The following PLPPR1 variants were observed in gnomAD, a reference collection of about 807,000 sequenced individuals.
PLPPR1 encodes the protein phospholipid phosphatase related 1.
A neutral mutation model predicts 33.1 loss-of-function variants in PLPPR1; 10 were observed. The observed-to-expected ratio is 0.30, with a 90% CI of 0.19 to 0.51. The LOEUF (loss-of-function observed/expected upper bound fraction) is 0.51. PLPPR1 is among the 20% of genes least tolerant of loss of function. The probability of loss-of-function intolerance (pLI) is 0.97; values close to 1 mark genes in which losing one functional copy is unlikely to be tolerated. For synonymous variants in PLPPR1, 151 were observed against 151.0 expected, an observed-to-expected ratio of 1.00 and a Z score of 0.00; for missense variants, 304 against 408.1, an observed-to-expected ratio of 0.74 and a Z score of 2.20.
rs35688096 is a variant in PLPPR1 at position 101,050,124 on chromosome 9, G to GAAA, written c.-46+21044_-46+21046dup. ...TGCAACAGAGTGAGACTCCAACTCAGAAAAAAAAAAAAAAAAAAAAAAAAG... is the reference window on the plus strand; with the variant it reads ...TGCAACAGAGTGAGACTCCAACTCAGAAAAAAAAAAAAAAAAAAAAAAAAAAAG... On this transcript the variant is annotated intron_variant, in intron 1 of 7. Coordinates refer to ENST00000374874, the MANE Select transcript of PLPPR1 (RefSeq NM_207299.2). Among the ~76,000 whole-genome samples, 195 of 34,814 alleles carry GAAA rather than the reference G, an allele frequency of 5.6e-3. 3 individuals are homozygous for GAAA. The highest frequency in any genetic ancestry group is 0.045 in the Middle Eastern group (2 of 44). 22.8% of individuals were successfully genotyped at this position (34,814 alleles called of 152,430 possible).
chr9:101,182,509 T>A (rs972358292), intron 1 of PLPPR1, among the ~76,000 whole-genome samples: 1 of 151,696 alleles, frequency 6.6e-6, no homozygotes, highest in Non-Finnish European at 1.5e-5. Flanking sequence ...AACTATTATT[T>A]GTCAATTAAA....
chr9:101,084,703 A>G (rs1278225093), intron 1 of PLPPR1, among the ~76,000 whole-genome samples: 1 of 152,166 alleles, frequency 6.6e-6, no homozygotes, highest in Non-Finnish European at 1.5e-5. Context: ...GGGACATGGT[A>G]TGTAGGTCTT....
intron 1 of PLPPR1, among the ~76,000 whole-genome samples, chr9:101,139,298 C>T (rs944739006): frequency 7.2e-5 from 11 of 152,108 alleles, no homozygotes; most frequent in African/African-American, 1.7e-4. Context: ...GTCTCCCATG[C>T]GGTGAGACCT....
intron 2 of PLPPR1, among the ~76,000 whole-genome samples, chr9:101,230,895 T>C (rs187579749): frequency 3.9e-5 from 6 of 152,132 alleles, no homozygotes; most frequent in African/African-American, 1.4e-4. Context: ...TATTTATTTT[T>C]TTTCCAGTGA....
At chr9:101,236,486 T>C (rs1394359949) in intron 2 of PLPPR1, among the ~76,000 whole-genome samples, 1 of 151,402 alleles carries the variant, frequency 6.6e-6, no homozygotes, top group Admixed American at 6.6e-5. Flanking sequence ...GTAGAATATA[T>C]AATTCCTATT....
At chr9:101,170,559 A>G (rs1482581747) in intron 1 of PLPPR1, among the ~76,000 whole-genome samples, 4 of 152,190 alleles carry the variant, frequency 2.6e-5, no homozygotes, top group Admixed American at 2.0e-4. Flanking sequence ...CAGCTAAACC[A>G]TATCACATAC....
At chr9:101,094,781 C>T (rs1455163377) in intron 1 of PLPPR1, among the ~76,000 whole-genome samples, 1 of 152,162 alleles carries the variant, frequency 6.6e-6, no homozygotes, top group Non-Finnish European at 1.5e-5. Flanking sequence ...TTAAATGTGG[C>T]AAACATGGGA....
At chr9:101,195,916 A>G (rs1259006909) in intron 2 of PLPPR1, among the ~76,000 whole-genome samples, 2 of 152,258 alleles carry the variant, frequency 1.3e-5, no homozygotes, top group East Asian at 3.8e-4. Flanking sequence ...CTCATGGAGC[A>G]TAAGCCCAGG....
intron 2 of PLPPR1, among the ~76,000 whole-genome samples, chr9:101,248,220 C>G (rs1827649657): frequency 6.6e-6 from 1 of 152,006 alleles, no homozygotes; most frequent in Non-Finnish European, 1.5e-5. Flanking sequence ...GTGGCCATTG[C>G]AAGAGGTCAG....
intron 1 of PLPPR1, among the ~76,000 whole-genome samples, chr9:101,148,340 T>C (rs1270312808): frequency 6.6e-6 from 1 of 152,172 alleles, no homozygotes; most frequent in African/African-American, 2.4e-5. Flanking sequence ...AAACTACATA[T>C]ACAACTCCTG....
At chr9:101,055,123 TG>T (rs1830265730) in intron 1 of PLPPR1, among the ~76,000 whole-genome samples, 1 of 152,230 alleles carries the variant, frequency 6.6e-6, no homozygotes, top group East Asian at 1.9e-4. Flanking sequence ...ATCATTAGGA[TG>T]GGGCTTTTCA....
At chr9:101,180,319 A>G (rs1564167735) in intron 1 of PLPPR1, among the ~76,000 whole-genome samples, 1 of 151,136 alleles carries the variant, frequency 6.6e-6, no homozygotes, top group South Asian at 2.1e-4. Context: ...CATACTACCC[A>G]AAGAGGTCTA....
In PLPPR1 at chr9:101,104,632, G is replaced by A. The variant is rs1418727963; in HGVS notation, c.-46+75530G>A. The stretch of plus-strand genomic sequence containing the variant: ...CTCTTTTTTGGTTGTGTCTCTGCCC[G>A]GCTTTGGTATCAGAATGATGCTGGC... On this transcript the variant is annotated intron_variant, in intron 1 of 7. Transcript: ENST00000374874. Among the ~76,000 whole-genome samples the A allele has an allele frequency of 1.2e-4, 13 of 111,080 alleles. 1 individual carries two copies. The South Asian group carries it at 5.4e-3, about 46-fold the overall frequency. 72.9% of individuals were successfully genotyped at this position (111,080 alleles called of 152,430 possible).
intron 1 of PLPPR1, among the ~76,000 whole-genome samples, chr9:101,168,243 A>T (rs906482167): frequency 6.6e-6 from 1 of 152,142 alleles, no homozygotes; most frequent in East Asian, 1.9e-4. Context: ...TCTCTTAGCC[A>T]TAGTTAATAA....
intron 3 of PLPPR1, among the ~76,000 whole-genome samples, chr9:101,285,762 A>AG (rs1828383027): frequency 1.3e-5 from 2 of 152,294 alleles, no homozygotes; most frequent in South Asian, 4.1e-4. Context: ...TGGCTGTCTG[A>AG]ATCATTCCTC....
At chr9:101,208,046 T>C (rs1826621181) in intron 2 of PLPPR1, among the ~76,000 whole-genome samples, 1 of 152,126 alleles carries the variant, frequency 6.6e-6, no homozygotes, top group South Asian at 2.1e-4. Flanking sequence ...AGCAACAATA[T>C]CCTAAAGCTG....
chr9:101,094,701 G>T (rs1365886646), intron 1 of PLPPR1, among the ~76,000 whole-genome samples: 1 of 152,136 alleles, frequency 6.6e-6, no homozygotes, highest in African/African-American at 2.4e-5. Context: ...CTGCACATAG[G>T]TTGCCTCATT....
intron 1 of PLPPR1, among the ~76,000 whole-genome samples, chr9:101,106,384 A>G (rs1041101546): frequency 2.3e-5 from 3 of 127,998 alleles, no homozygotes; most frequent in Admixed American, 7.6e-5. Context: ...TCTATAAAGT[A>G]TTTTATTTCT....
intron 7 of PLPPR1, among the ~76,000 whole-genome samples, chr9:101,322,930 T>C (rs915741053): frequency 6.6e-6 from 1 of 152,148 alleles, no homozygotes; most frequent in Admixed American, 6.5e-5. Flanking sequence ...TTTTAATGGA[T>C]CTGTATTATG....
Sources: allele counts gnomAD v4.1 joint callset (sites outside exome capture counted in the v4.1 genomes callset), GRCh38; gene constraint gnomAD v4.1.1; transcripts MANE v1.5; gene names NCBI Gene and HGNC (gene_info 2026-07-23, HGNC 2026-07-21).